Variants in PCGF5 observed in about 807,000 individuals in gnomAD.
The protein encoded by PCGF5 is polycomb group ring finger 5, also known as polycomb group RING finger protein 5.
In PCGF5, 9 loss-of-function variants were observed where a neutral mutation model predicts 44.3. The ratio of observed to expected loss-of-function variants is 0.20; its 90% CI spans 0.12 to 0.35. PCGF5 has a LOEUF of 0.35. Among genes scored for constraint, PCGF5 ranks in the 10% least tolerant of loss-of-function variants. PCGF5 has a pLI of 1.00. For missense variants in PCGF5, 146 were observed against 305.3 expected (o/e 0.48, Z 3.89); for synonymous variants, 95 against 102.5 (o/e 0.93, Z 0.44).
intron 1 of PCGF5, among the ~76,000 whole-genome samples, chr10:91,188,274 G>A (rs113640843): frequency 0.031 from 4,723 of 152,274 alleles, 146 homozygotes; most frequent in Admixed American, 0.086. Context: ...CTCGGGAAGC[G>A]CAAGGGGTCA....
rs371773697 is a variant in PCGF5 at position 91,262,282 on chromosome 10, C to T, written c.573+858C>T. On this transcript the variant is annotated intron_variant, in intron 7 of 9. Transcript: ENST00000336126. ...GTGTTCTAAAAATATAAAAATTAGC[C>T]GGGTGTGGTGGCAGGTGCCTGTATT... Among the ~76,000 whole-genome samples the T allele has an allele frequency of 6.6e-5, 10 of 151,970 alleles. 2 individuals carry two copies. The highest frequency in any genetic ancestry group is 2.2e-4 in the African/African-American group (9 of 41,448).
chr10:91,237,227 A>G (rs1053641223), intron 2 of PCGF5, among the ~76,000 whole-genome samples: 4 of 152,236 alleles, frequency 2.6e-5, no homozygotes, highest in African/African-American at 9.6e-5. Flanking sequence ...ATACATGGAC[A>G]TAGTATGTTG....
rs566660513 is a variant in PCGF5 at position 91,276,680 on chromosome 10, C to A, written c.724-1589C>A. 3.9e-5 allele frequency among the ~76,000 whole-genome samples: 6 copies of A among 152,290 alleles called. No homozygotes were observed. The South Asian group carries it at 1.2e-3, about 32-fold the overall frequency. ...CATTGCCAGTAAAGCCATTTTACTTCCCTCTGTACCTTTATCCCTAGTAGA... is the reference window on the plus strand; with the variant it reads ...CATTGCCAGTAAAGCCATTTTACTTACCTCTGTACCTTTATCCCTAGTAGA... On this transcript the variant is annotated intron_variant, in intron 9 of 9. Coordinates refer to ENST00000336126, the MANE Select transcript of PCGF5 (RefSeq NM_032373.5).
upstream of PCGF5, among the ~76,000 whole-genome samples, chr10:91,216,481 T>TG (rs1443641767): frequency 6.6e-6 from 1 of 152,022 alleles, no homozygotes; most frequent in Non-Finnish European, 1.5e-5. Context: ...CCTTATTAAG[T>TG]GTTTGGGCAT....
At chr10:91,192,264 C>T (rs1451422040) in intron 1 of PCGF5, among the ~76,000 whole-genome samples, 3 of 152,118 alleles carry the variant, frequency 2.0e-5, no homozygotes, top group Non-Finnish European at 2.9e-5. Context: ...TTTTTCTATA[C>T]ATTTGAGACA....
At chr10:91,229,823 T>C (rs952606155) in intron 2 of PCGF5, among the ~76,000 whole-genome samples, 6 of 152,092 alleles carry the variant, frequency 3.9e-5, no homozygotes, top group Admixed American at 2.0e-4. Context: ...AAGGCCAAAA[T>C]AGAAATTATA....
chr10:91,165,775 T>C (rs184063538), intron 1 of PCGF5, among the ~76,000 whole-genome samples: 37 of 152,336 alleles, frequency 2.4e-4, no homozygotes, highest in African/African-American at 7.7e-4. Flanking sequence ...GTCAGTGATA[T>C]AATGTAAAAA....
At chr10:91,250,503 T>TC (rs1460163800) in intron 5 of PCGF5, among the ~76,000 whole-genome samples, 2 of 151,182 alleles carry the variant, frequency 1.3e-5, no homozygotes, top group Admixed American at 1.3e-4. Context: ...TTTTCTTTTT[T>TC]TTTTTTTTTT....
At chr10:91,218,556 A>G (rs1844590820), upstream of PCGF5, among the ~76,000 whole-genome samples, 1 of 152,206 alleles carries the variant, frequency 6.6e-6, no homozygotes, top group African/African-American at 2.4e-5. Flanking sequence ...TTTAATACTT[A>G]CAATCTGCAT....
Position 91,222,862 on chromosome 10 carries a change from C to T in PCGF5, c.-10C>T, listed in dbSNP as rs531735736. 6.4e-5 allele frequency: 99 copies of T among 1,547,376 alleles called. No individual in the cohort carries two copies. The African/African-American group carries it at 1.2e-3, about 18-fold the overall frequency. Reference sequence around the variant, plus strand: ...CCCAGACTACTAAAGCCAGTCTTCACTAGCCACGAATGGCTACCCAAAGGA... The same window carrying T: ...CCCAGACTACTAAAGCCAGTCTTCATTAGCCACGAATGGCTACCCAAAGGA... On this transcript the variant is annotated 5_prime_UTR_variant, in exon 2 of 10. Coordinates refer to ENST00000336126, the MANE Select transcript of PCGF5 (RefSeq NM_032373.5).
intron 3 of PCGF5, among the ~76,000 whole-genome samples, chr10:91,243,041 T>G (rs56060706): frequency 0.028 from 4,235 of 152,282 alleles, 184 homozygotes; most frequent in African/African-American, 0.097. Context: ...ACAGCTGGGA[T>G]AGCTCCTCAT....
chr10:91,274,672 A>G (rs922271382), intron 9 of PCGF5, among the ~76,000 whole-genome samples: 5 of 152,368 alleles, frequency 3.3e-5, no homozygotes, highest in African/African-American at 1.2e-4. Context: ...AATAGTTTTA[A>G]TAAGATAGCC....
chr10:91,249,468 C>T (rs887633367), intron 5 of PCGF5, among the ~76,000 whole-genome samples: 3 of 145,112 alleles, frequency 2.1e-5, no homozygotes, highest in Non-Finnish European at 4.5e-5. Flanking sequence ...AAACTAGTAT[C>T]GCTCCCATTT....
At chr10:91,250,357 A>AT (rs1357328272) in intron 5 of PCGF5, among the ~76,000 whole-genome samples, 1 of 151,842 alleles carries the variant, frequency 6.6e-6, no homozygotes, top group African/African-American at 2.4e-5. Context: ...TAGCTGGCTG[A>AT]TTTTTTCAAG....
At chr10:91,275,058 C>T (rs1455173120) in intron 9 of PCGF5, among the ~76,000 whole-genome samples, 1 of 151,608 alleles carries the variant, frequency 6.6e-6, no homozygotes, top group African/African-American at 2.4e-5. Flanking sequence ...TCACGTTGTA[C>T]CTAAAAAAAT....
At chr10:91,206,376 CT>C (rs938039707) in intron 1 of PCGF5, among the ~76,000 whole-genome samples, 28 of 151,338 alleles carry the variant, frequency 1.9e-4, no homozygotes, top group African/African-American at 5.8e-4. Flanking sequence ...TGATAAGCCA[CT>C]TTTTTTTTAA....
chr10:91,246,978 GATAGATAGA>G (rs1845480571), intron 3 of PCGF5, among the ~76,000 whole-genome samples: 1 of 51,692 alleles, frequency 1.9e-5, no homozygotes. Flanking sequence ...TAGATAGATA[GATAGATAGA>G]TAGATAGATA....
At chr10:91,160,995 T>C (rs1360885530), upstream of PCGF5, among the ~76,000 whole-genome samples, 1 of 152,172 alleles carries the variant, frequency 6.6e-6, no homozygotes, top group Non-Finnish European at 1.5e-5. Flanking sequence ...TCTTGTCCAC[T>C]GGCTTCTCCT....
At chr10:91,225,892 A>G (rs1171793098) in intron 2 of PCGF5, among the ~76,000 whole-genome samples, 4 of 151,962 alleles carry the variant, frequency 2.6e-5, no homozygotes, top group Non-Finnish European at 5.9e-5. Context: ...ACTCTTCTAC[A>G]AGGTTTTCTT....
Sources: gnomAD v4.1 joint callset for allele counts (sites outside exome capture counted in the v4.1 genomes callset) on GRCh38, gnomAD v4.1.1 for gene constraint, MANE v1.5 for transcripts, NCBI Gene and HGNC (gene_info 2026-07-23, HGNC 2026-07-21) for gene names.